FAT3: variants seen among roughly 807,000 people sequenced by gnomAD.
FAT3 encodes the protein FAT atypical cadherin 3, also known as protocadherin Fat 3.
A neutral mutation model predicts 310.2 loss-of-function variants in FAT3; 95 were observed. The ratio of observed to expected loss-of-function variants is 0.31; its 90% CI spans 0.26 to 0.36. The LOEUF is 0.36. Ranked by LOEUF, FAT3 falls within the 10% of genes least tolerant of loss-of-function variation. The probability of loss-of-function intolerance (pLI) is 1.00; values close to 1 mark genes in which losing one functional copy is unlikely to be tolerated. For synonymous variants in FAT3, 2,314 were observed against 2,192.9 expected, an observed-to-expected ratio of 1.06 and a Z score of -1.54; for missense variants, 5,408 against 5,715.6, an observed-to-expected ratio of 0.95 and a Z score of 1.74.
chr11:92,889,181 A>G lies in FAT3; in HGVS notation c.13052-8A>G. On this transcript the variant is annotated splice_polypyrimidine_tract_variant and splice_region_variant and intron_variant, in intron 25 of 27. Transcript: ENST00000525166. ...CCCCTACCTCCGACTTCTTTTCCTG[A>G]CCACAAGCCTCCATAGTGACTGTCA... 1.4e-6 allele frequency: 1 copy of G among 710,490 alleles called. No homozygotes were observed. Among genetic ancestry groups the G allele is most frequent in the Non-Finnish European group, 2.6e-6 (1 of 381,936 alleles). The allele number at this position is 710,490 out of a possible 1,614,324, so 44.0% of individuals were successfully genotyped here. A position where few individuals can be genotyped will look rare whatever the true frequency, so the allele number is the denominator to read the frequency against.
At chr11:92,796,365 G>A (rs1476864940) in intron 9 of FAT3, among the ~76,000 whole-genome samples, 2 of 152,136 alleles carry the variant, frequency 1.3e-5, no homozygotes, top group African/African-American at 2.4e-5. Flanking sequence ...GAATCAAAAT[G>A]ACCTCTTTAT....
intron 3 of FAT3, among the ~76,000 whole-genome samples, chr11:92,616,726 T>C (rs899596109): frequency 1.3e-5 from 2 of 152,192 alleles, no homozygotes; most frequent in Admixed American, 6.5e-5. Context: ...TATTTCTCCT[T>C]CACTTGTGAG....
chr11:92,761,755 A>G lies in FAT3; in HGVS notation c.3670-101A>G, dbSNP rs115962425. ...AAATGAATACTAAAAGAATTTGGAT[A>G]GGATAGCATTGTCCGTGCATTAGAA... On this transcript the variant is annotated intron_variant, in intron 4 of 27. Transcript: ENST00000525166. The G allele has an allele frequency of 2.1e-3, 2,153 of 1,011,064 alleles. 38 individuals carry two copies. The African/African-American group carries it at 0.031, about 14-fold the overall frequency. 62.6% of individuals were successfully genotyped at this position (1,011,064 alleles called of 1,614,324 possible).
At chr11:92,814,168 C>T (rs548096841) in intron 13 of FAT3, among the ~76,000 whole-genome samples, 20 of 152,288 alleles carry the variant, frequency 1.3e-4, no homozygotes, top group Non-Finnish European at 2.4e-4. Flanking sequence ...TTATAAATTA[C>T]GAAGTCTCAG....
chr11:92,718,699 C>T (rs1944764271), intron 4 of FAT3, among the ~76,000 whole-genome samples: 1 of 152,002 alleles, frequency 6.6e-6, no homozygotes, highest in Non-Finnish European at 1.5e-5. Context: ...ACATTGTTCT[C>T]CTCCAAATCT....
In FAT3 at chr11:92,882,957, C is replaced by G. The variant is rs763862130; in HGVS notation, c.12501C>G (p.Ile4167Met). 6.2e-7 allele frequency: 1 copy of G among 1,613,680 alleles called. No homozygotes were observed. Among genetic ancestry groups the G allele is most frequent in the African/African-American group, 1.3e-5 (1 of 74,936 alleles). ...GIAVVLFVIF[I>M]LVVLFIVFRK... is the part of the protein sequence containing the mutation. ...CCGTGGTCCTCTTCGTCATCTTCAT[C>G]CTGGTGGTTCTCTTCATAGTCTTCC... The change falls in exon 24 of 28, where the codon ATC (isoleucine) becomes ATG (methionine). Residue 4167 changes from isoleucine to methionine, a missense_variant. This residue lies in a region of FAT3 where 649 missense variants were observed against 666.2 expected (regional missense o/e 0.97). Coordinates refer to ENST00000525166, the MANE Select transcript of FAT3 (RefSeq NM_001367949.2).
intron 1 of FAT3, among the ~76,000 whole-genome samples, chr11:92,304,355 C>T (rs1212139932): frequency 2.6e-5 from 4 of 152,064 alleles, no homozygotes; most frequent in African/African-American, 9.7e-5. Context: ...CAGGTATAAA[C>T]ATCAGGGCTA....
chr11:92,354,105 A>T lies in FAT3; in HGVS notation c.1993A>T (p.Met665Leu). 6.2e-7 allele frequency: 1 copy of T among 1,613,798 alleles called. No homozygotes were observed. The highest frequency in any genetic ancestry group is 8.5e-7 in the Non-Finnish European group (1 of 1,179,812). Residue 665 changes from methionine to leucine, a missense_variant, in exon 2 of 28, where the codon ATG (methionine) becomes TTG (leucine). By Grantham distance (15) the Met-to-Leu change is conservative (BLOSUM62 2). This residue lies in a region of FAT3 where 4,588 missense variants were observed against 4,809.8 expected (regional missense o/e 0.95). Transcript: ENST00000525166. ...TGATGGAGAGAATCTTGCAGACCCC[A>T]TGTCTATTAACATTTCAGTCCTACA... is the stretch of plus-strand genomic sequence containing the variant. ...ATDGENLADP[M>L]SINISVLHGK...
intron 2 of FAT3, among the ~76,000 whole-genome samples, chr11:92,416,273 A>T (rs1950410597): frequency 4.0e-5 from 6 of 150,368 alleles, no homozygotes; most frequent in African/African-American, 1.2e-4. Context: ...AACCCCAGCT[A>T]CTCGGGAGGC....
chr11:92,643,738 A>C (rs1030419735), intron 3 of FAT3, among the ~76,000 whole-genome samples: 2 of 152,248 alleles, frequency 1.3e-5, no homozygotes, highest in Non-Finnish European at 2.9e-5. Context: ...ACAGAAGCCT[A>C]AGATGCAAAA....
intron 2 of FAT3, among the ~76,000 whole-genome samples, chr11:92,428,292 C>G (rs1591275978): frequency 6.9e-6 from 1 of 144,028 alleles, no homozygotes. Context: ...GGCTAGCAGT[C>G]TATCTATTTT....
chr11:92,612,288 A>C lies in FAT3; in HGVS notation c.3608-85096A>C, dbSNP rs539212861. On this transcript the variant is annotated intron_variant, in intron 3 of 27. Coordinates refer to ENST00000525166, the MANE Select transcript of FAT3 (RefSeq NM_001367949.2). ...CACCTCACCCCTGCGAAAATCTCCC[A>C]CTTTGCAAACTGACTCAGGGCCCAT... Among the ~76,000 whole-genome samples, 15 of 152,288 alleles carry C rather than the reference A, an allele frequency of 9.8e-5. 1 individual carries two copies. The highest frequency in any genetic ancestry group is 3.6e-4 in the African/African-American group (15 of 41,558).
chr11:92,379,929 G>C (rs1949446261), intron 2 of FAT3, among the ~76,000 whole-genome samples: 1 of 152,150 alleles, frequency 6.6e-6, no homozygotes, highest in Non-Finnish European at 1.5e-5. Context: ...CTGTGAGGTA[G>C]ATGAGGTAAA....
At chr11:92,507,298 G>A (rs180894064) in intron 2 of FAT3, among the ~76,000 whole-genome samples, 127 of 152,242 alleles carry the variant, frequency 8.3e-4, no homozygotes, top group African/African-American at 2.9e-3. Context: ...AACTCAATTA[G>A]AGAAAACCAT....
chr11:92,590,334 G>C (rs1387669562), intron 3 of FAT3, among the ~76,000 whole-genome samples: 2 of 152,140 alleles, frequency 1.3e-5, no homozygotes, highest in African/African-American at 4.8e-5. Context: ...TTGCAGGAAG[G>C]CTGCGTCTGA....
rs1949716903 is a variant in FAT3, at chr11:92,883,236, C to T, written c.12780C>T (p.His4260=). 6.2e-7 allele frequency: 1 copy of T among 1,612,872 alleles called. No homozygotes were observed. Among genetic ancestry groups the T allele is most frequent in the African/African-American group, 1.3e-5 (1 of 74,912 alleles). ...DKIVDGLGGE[H]QEMTTFHPES... ...TCGTGGACGGGCTGGGAGGCGAGCA[C>T]CAGGAAATGACCACGTTTCACCCTG... Residue 4260 remains histidine, a synonymous_variant, in exon 24 of 28, where the codon CAC becomes CAT. Transcript: ENST00000525166. This position sits in a 1 kb window ranked among gnomAD's most constrained non-coding sequence, Gnocchi z 4.2.
intron 4 of FAT3, among the ~76,000 whole-genome samples, chr11:92,746,795 C>G (rs1945684863): frequency 6.6e-6 from 1 of 152,178 alleles, no homozygotes; most frequent in South Asian, 2.1e-4. Context: ...AGGCCCCATG[C>G]AAGTCCAAAA....
At chr11:92,848,300 C>A (rs987782198) in intron 19 of FAT3, among the ~76,000 whole-genome samples, 6 of 152,128 alleles carry the variant, frequency 3.9e-5, no homozygotes, top group African/African-American at 7.2e-5. Context: ...AAACAAGCAT[C>A]GTGTCTGAAC....
At chr11:92,609,553 G>C (rs1216736069) in intron 3 of FAT3, among the ~76,000 whole-genome samples, 1 of 152,102 alleles carries the variant, frequency 6.6e-6, no homozygotes, top group Non-Finnish European at 1.5e-5. Context: ...TGTAGCTCAG[G>C]TATTGTCTAA....
Sources: allele counts gnomAD v4.1 joint callset (sites outside exome capture counted in the v4.1 genomes callset), GRCh38; gene constraint gnomAD v4.1.1; regional missense constraint gnomAD v4.1.1; non-coding constraint Gnocchi (gnomAD v3.1); transcripts MANE v1.5; gene names NCBI Gene and HGNC (gene_info 2026-07-23, HGNC 2026-07-21).